DYRK1A: variants seen among roughly 807,000 people sequenced by gnomAD.
The protein encoded by DYRK1A is dual specificity tyrosine-phosphorylation-regulated kinase 1A.
Under a neutral mutation model 79.7 loss-of-function variants are expected in DYRK1A, and 9 were observed. That is an observed-to-expected ratio of 0.11 (90% CI 0.07 to 0.20). The LOEUF (loss-of-function observed/expected upper bound fraction) is 0.20. Ranked by LOEUF, DYRK1A falls within the 10% of genes least tolerant of loss-of-function variation. The pLI, the probability that DYRK1A is intolerant of heterozygous loss-of-function variation, is 1.00. For synonymous variants in DYRK1A, 349 were observed against 329.7 expected (o/e 1.06, Z -0.63); for missense variants, 622 against 956.0 (o/e 0.65, Z 4.61).
At chr21:37,370,476 G>A (rs1380852522) in intron 1 of DYRK1A, among the ~76,000 whole-genome samples, 1 of 152,062 alleles carries the variant, frequency 6.6e-6, no homozygotes, top group African/African-American at 2.4e-5. Context: ...AGAAGAGTGG[G>A]CTTCACTTGT....
At chr21:37,389,973 G>A (rs550654943) in intron 1 of DYRK1A, among the ~76,000 whole-genome samples, 1 of 151,270 alleles carries the variant, frequency 6.6e-6, no homozygotes, top group African/African-American at 2.4e-5. Flanking sequence ...GCCTGGGATG[G>A]AATGCAGTGG....
At chr21:37,491,551 CAATT>C (rs2053097415) in intron 7 of DYRK1A, among the ~76,000 whole-genome samples, 1 of 151,974 alleles carries the variant, frequency 6.6e-6, no homozygotes, top group African/African-American at 2.4e-5. Flanking sequence ...GATTTATAGC[CAATT>C]AATAGGACTG....
intron 2 of DYRK1A, among the ~76,000 whole-genome samples, chr21:37,425,424 A>G (rs1352210148): frequency 1.3e-5 from 2 of 152,156 alleles, no homozygotes; most frequent in East Asian, 1.9e-4. Flanking sequence ...AGTGGAAGCA[A>G]TTAATAATGA....
chr21:37,496,091 GT>G (rs1204702416), intron 8 of DYRK1A, 26 bp from the exon 9 acceptor site: 1 of 1,592,642 alleles, frequency 6.3e-7, no homozygotes, highest in African/African-American at 1.4e-5. Context: ...GAAATTACAG[GT>G]TTTGTTGTTT....
At chr21:37,434,202 A>G (rs867106218) in intron 2 of DYRK1A, among the ~76,000 whole-genome samples, 2 of 152,224 alleles carry the variant, frequency 1.3e-5, no homozygotes, top group Non-Finnish European at 2.9e-5. Context: ...TTAATGAAAT[A>G]TACTTTACAA....
At chr21:37,423,476 A>C (rs1336981106) in intron 2 of DYRK1A, among the ~76,000 whole-genome samples, 1 of 152,152 alleles carries the variant, frequency 6.6e-6, no homozygotes, top group Non-Finnish European at 1.5e-5. Context: ...ATTTGGAAAA[A>C]GTACTGCCTC....
intron 1 of DYRK1A, among the ~76,000 whole-genome samples, chr21:37,418,531 G>A (rs1413661667): frequency 2.0e-5 from 3 of 152,076 alleles, no homozygotes; most frequent in Non-Finnish European, 4.4e-5. Context: ...AACATTTTCT[G>A]GGTGAAGAAT....
chr21:37,375,566 C>G (rs1205700050), intron 1 of DYRK1A, among the ~76,000 whole-genome samples: 1 of 113,202 alleles, frequency 8.8e-6, no homozygotes, highest in South Asian at 3.1e-4. Context: ...ACTTTTGTCA[C>G]CCAGGCTGGA....
intron 11 of DYRK1A, among the ~76,000 whole-genome samples, chr21:37,508,231 C>T (rs778489696): frequency 1.3e-5 from 2 of 152,216 alleles, no homozygotes; most frequent in African/African-American, 2.4e-5. Flanking sequence ...GCACCATTCT[C>T]TTCCCTGCAG....
rs1601352010 is a variant in DYRK1A, at chr21:37,526,022, G to GAATCAC, written c.*13491_*13492insAATCAC. 2 of 152,328 alleles carry GAATCAC rather than the reference G, an allele frequency of 1.3e-5. No individual in the cohort carries two copies. The highest frequency in any genetic ancestry group is 3.9e-4 in the East Asian group (2 of 5,188). The allele number at this position is 152,328 out of a possible 1,614,324, so 9.4% of individuals were successfully genotyped here. On this transcript the variant is annotated 3_prime_UTR_variant, in exon 12 of 12. Transcript: ENST00000647188. ...AGTGTTTATGTGAAACTCCTACTGT[G>GAATCAC]TTAAGTGATTTCAAGAAGAACTATT...
intron 1 of DYRK1A, among the ~76,000 whole-genome samples, chr21:37,372,903 C>T (rs996600164): frequency 6.6e-6 from 1 of 152,164 alleles, no homozygotes; most frequent in Middle Eastern, 3.4e-3. Flanking sequence ...CTTTGCAACC[C>T]TTACTGCAAA....
intron 1 of DYRK1A, chr21:37,419,791 G>GA (rs1327693059): frequency 6.6e-6 from 1 of 152,198 alleles, no homozygotes; most frequent in Non-Finnish European, 1.5e-5. Flanking sequence ...TGGAGAGCAA[G>GA]AGGGCTTGTG....
intron 9 of DYRK1A, among the ~76,000 whole-genome samples, chr21:37,499,218 A>G (rs2053365930): frequency 6.6e-6 from 1 of 152,040 alleles, no homozygotes; most frequent in South Asian, 2.1e-4. Context: ...TTTTCTTCTA[A>G]AAGTTTTTTA....
chr21:37,453,863 TCTTTA>T (rs1358800243), intron 2 of DYRK1A, among the ~76,000 whole-genome samples: 6 of 152,160 alleles, frequency 3.9e-5, no homozygotes, highest in Non-Finnish European at 5.9e-5. Flanking sequence ...TATCTCAACA[TCTTTA>T]CTTTGGTATC....
chr21:37,427,908 ATT>A (rs1447616627), intron 2 of DYRK1A, among the ~76,000 whole-genome samples: 1 of 151,974 alleles, frequency 6.6e-6, no homozygotes, highest in Non-Finnish European at 1.5e-5. Flanking sequence ...TCCTTTTATC[ATT>A]CTTTGTTGAT....
At chr21:37,422,624 A>G (rs1379938757) in intron 2 of DYRK1A, among the ~76,000 whole-genome samples, 1 of 152,142 alleles carries the variant, frequency 6.6e-6, no homozygotes, top group Non-Finnish European at 1.5e-5. Context: ...GCCTTGGCTG[A>G]TGGGCCTTTC....
intron 2 of DYRK1A, among the ~76,000 whole-genome samples, chr21:37,440,300 T>C (rs1406658115): frequency 6.6e-6 from 1 of 151,742 alleles, no homozygotes; most frequent in Non-Finnish European, 1.5e-5. Flanking sequence ...TACGTCTGGC[T>C]AATTTTTTGT....
chr21:37,449,457 G>A (rs778422973), intron 2 of DYRK1A, among the ~76,000 whole-genome samples: 35 of 152,160 alleles, frequency 2.3e-4, no homozygotes, highest in African/African-American at 8.0e-4. Context: ...TTGTTGAATG[G>A]GGGAAGAGCA....
intron 1 of DYRK1A, among the ~76,000 whole-genome samples, chr21:37,368,638 AT>A (rs1303718999): frequency 6.6e-6 from 1 of 152,012 alleles, no homozygotes; most frequent in African/African-American, 2.4e-5. Flanking sequence ...TTTTCAGTGG[AT>A]CGACCAGCTT....
Sources: allele counts gnomAD v4.1 joint callset (sites outside exome capture counted in the v4.1 genomes callset), GRCh38; gene constraint gnomAD v4.1.1; transcripts MANE v1.5; gene names NCBI Gene and HGNC (gene_info 2026-07-23, HGNC 2026-07-21).